TRHDE: variants seen among roughly 807,000 people sequenced by gnomAD.
TRHDE encodes thyrotropin-releasing hormone-degrading ectoenzyme.
In TRHDE, 72 loss-of-function variants were observed where a neutral mutation model predicts 125.7. The observed-to-expected ratio is 0.57, with a 90% CI of 0.47 to 0.70. The LOEUF (loss-of-function observed/expected upper bound fraction) is 0.70. TRHDE is among the 30% of genes least tolerant of loss of function. The pLI is 0.00. For missense variants in TRHDE, 1,110 were observed against 1,327.1 expected (o/e 0.84, Z 2.54); for synonymous variants, 509 against 509.1 (o/e 1.00, Z 0.00).
chr12:72,385,240 T>C (rs1872361418), intron 3 of TRHDE, among the ~76,000 whole-genome samples: 1 of 152,096 alleles, frequency 6.6e-6, no homozygotes, highest in Non-Finnish European at 1.5e-5. Flanking sequence ...ACAAGAGCTC[T>C]TCAAATTATT....
intron 2 of TRHDE, among the ~76,000 whole-genome samples, chr12:72,309,128 T>A (rs1868420780): frequency 6.6e-6 from 1 of 152,206 alleles, no homozygotes. Flanking sequence ...AGTTTCTTCT[T>A]GCTACTCCCT....
intron 1 of TRHDE, among the ~76,000 whole-genome samples, chr12:72,098,311 CCT>C (rs1184467789): frequency 2.6e-5 from 4 of 151,990 alleles, no homozygotes; most frequent in South Asian, 4.2e-4. Flanking sequence ...TAGTTTTTAC[CCT>C]GTTTCCCCCA....
At chr12:72,288,931 A>G (rs1280803333) in intron 2 of TRHDE, among the ~76,000 whole-genome samples, 1 of 152,178 alleles carries the variant, frequency 6.6e-6, no homozygotes, top group East Asian at 1.9e-4. Context: ...TGCATAACCT[A>G]AAATACTAAA....
chr12:72,238,315 T>TATATATATACACACATATAC (rs1878393069), intron 2 of TRHDE, among the ~76,000 whole-genome samples: 1 of 32,034 alleles, frequency 3.1e-5, no homozygotes, highest in African/African-American at 1.2e-4. Flanking sequence ...TATATATATA[T>TATATATATACACACATATAC]ATATATACAT....
intron 7 of TRHDE, among the ~76,000 whole-genome samples, chr12:72,546,042 TC>T (rs1869400057): frequency 6.6e-6 from 1 of 151,624 alleles, no homozygotes; most frequent in South Asian, 2.1e-4. Flanking sequence ...ATTTACTTTT[TC>T]AGAGACAAGA....
chr12:72,180,764 C>G (rs1036007279), intron 2 of TRHDE, among the ~76,000 whole-genome samples: 3 of 152,100 alleles, frequency 2.0e-5, no homozygotes, highest in Non-Finnish European at 4.4e-5. Context: ...GCAGACTTCT[C>G]CACTGTCTTT....
At chr12:72,660,027 C>T (rs749443318) in intron 18 of TRHDE, among the ~76,000 whole-genome samples, 2 of 151,824 alleles carry the variant, frequency 1.3e-5, no homozygotes, top group Non-Finnish European at 2.9e-5. Context: ...TTATTGTATA[C>T]AAGACAAGGG....
At chr12:72,489,128 G>A (rs967996139) in intron 5 of TRHDE, among the ~76,000 whole-genome samples, 1 of 150,614 alleles carries the variant, frequency 6.6e-6, no homozygotes, top group Admixed American at 6.6e-5. Flanking sequence ...TAAATTAGCA[G>A]GAGAAAAGAA....
At chr12:72,591,172 A>C (rs540157540) in intron 12 of TRHDE, among the ~76,000 whole-genome samples, 2 of 152,226 alleles carry the variant, frequency 1.3e-5, no homozygotes, top group South Asian at 4.1e-4. Context: ...GGAAAAACCC[A>C]CCCCCATGAT....
chr12:72,647,950 C>T (rs2136106219), intron 15 of TRHDE, among the ~76,000 whole-genome samples: 1 of 152,126 alleles, frequency 6.6e-6, no homozygotes, highest in Admixed American at 6.6e-5. Context: ...CAGGTGAAGA[C>T]ATCACAAGAA....
chr12:72,094,721 GA>G (rs1874872454), intron 1 of TRHDE, among the ~76,000 whole-genome samples: 1 of 152,234 alleles, frequency 6.6e-6, no homozygotes, highest in African/African-American at 2.4e-5. Context: ...CTGGTGGCCA[GA>G]TCAAGGCCAA....
intron 12 of TRHDE, among the ~76,000 whole-genome samples, chr12:72,591,281 G>C (rs1429761993): frequency 6.6e-6 from 1 of 152,096 alleles, no homozygotes; most frequent in Non-Finnish European, 1.5e-5. Context: ...CCATATCACT[G>C]TTGGATTTTG....
intron 9 of TRHDE, among the ~76,000 whole-genome samples, chr12:72,563,575 C>T (rs752511762): frequency 6.6e-6 from 1 of 152,114 alleles, no homozygotes; most frequent in Non-Finnish European, 1.5e-5. Flanking sequence ...AATCAATAAA[C>T]AGACAGCATA....
intron 2 of TRHDE, among the ~76,000 whole-genome samples, chr12:72,145,131 C>T (rs1275367871): frequency 6.6e-6 from 1 of 152,164 alleles, no homozygotes; most frequent in African/African-American, 2.4e-5. Flanking sequence ...TTCTCAGCTG[C>T]ACCTGCCCCA....
chr12:72,272,531 A>T lies in TRHDE; in HGVS notation c.-113A>T. The T allele has an allele frequency of 1.8e-6, 1 of 560,136 alleles. No homozygotes were observed. The highest frequency in any genetic ancestry group is 3.1e-6 in the Non-Finnish European group (1 of 317,714). The allele number at this position is 560,136 out of a possible 1,614,324, so 34.7% of individuals were successfully genotyped here. The stretch of plus-strand genomic sequence containing the variant: ...TAAAAGAACCCGGGCCAGCATCCCC[A>T]GTCGCGCGCCCTCGGCCCGCGTGAG... On this transcript the variant is annotated 5_prime_UTR_variant, in exon 1 of 19. Transcript: ENST00000261180. The surrounding 1 kb of genome is among the most constrained non-coding windows in gnomAD (Gnocchi z 6.7).
chr12:72,228,550 C>T (rs528060393), intron 2 of TRHDE, among the ~76,000 whole-genome samples: 5 of 152,262 alleles, frequency 3.3e-5, no homozygotes, highest in African/African-American at 9.6e-5. Flanking sequence ...GACATTTTCC[C>T]CATTGTCTTT....
At chr12:72,542,165 C>G (rs1360709139) in intron 6 of TRHDE, 126 bp from the exon 7 acceptor site, 1 of 579,598 alleles carries the variant, frequency 1.7e-6, no homozygotes, top group African/African-American at 1.9e-5. Flanking sequence ...TTTCATGATA[C>G]TGCTGTTTCT....
At chr12:72,364,204 T>G (rs1871248265) in intron 2 of TRHDE, among the ~76,000 whole-genome samples, 1 of 151,980 alleles carries the variant, frequency 6.6e-6, no homozygotes, top group Admixed American at 6.6e-5. Flanking sequence ...GTTTTATAAT[T>G]TATTTAATGA....
chr12:72,448,511 A>G (rs1424923644), intron 3 of TRHDE, among the ~76,000 whole-genome samples: 2 of 152,074 alleles, frequency 1.3e-5, no homozygotes, highest in Non-Finnish European at 2.9e-5. Flanking sequence ...TAGCTAATCT[A>G]TTGGTAAACT....
Sources: allele counts gnomAD v4.1 joint callset (sites outside exome capture counted in the v4.1 genomes callset), GRCh38; gene constraint gnomAD v4.1.1; non-coding constraint Gnocchi (gnomAD v3.1); transcripts MANE v1.5; gene names NCBI Gene and HGNC (gene_info 2026-07-23, HGNC 2026-07-21).